The following MAP2K1 variants were observed in gnomAD, a reference collection of about 807,000 sequenced individuals.
The protein encoded by MAP2K1 is mitogen-activated protein kinase kinase 1.
A neutral mutation model predicts 46.3 loss-of-function variants in MAP2K1; 16 were observed. The observed-to-expected ratio is 0.35, with a 90% CI of 0.23 to 0.52. MAP2K1 has a LOEUF of 0.52. Among genes scored for constraint, MAP2K1 ranks in the 20% least tolerant of loss-of-function variants. The pLI is 0.94. For synonymous variants in MAP2K1, 183 were observed against 185.6 expected, an observed-to-expected ratio of 0.99 and a Z score of 0.11; for missense variants, 263 against 497.1, an observed-to-expected ratio of 0.53 and a Z score of 4.48.
chr15:66,416,355 C>A (rs888419506), intron 1 of MAP2K1, among the ~76,000 whole-genome samples: 3 of 151,894 alleles, frequency 2.0e-5, no homozygotes, highest in African/African-American at 4.8e-5. Flanking sequence ...TACAATCCCC[C>A]CCAAACACAC....
intron 5 of MAP2K1, among the ~76,000 whole-genome samples, chr15:66,455,638 G>A (rs1892147186): frequency 6.6e-6 from 1 of 152,058 alleles, no homozygotes; most frequent in Admixed American, 6.5e-5. Context: ...TCCTAGTTTG[G>A]TACATTGCCT....
At chr15:66,420,797 A>ATT in intron 1 of MAP2K1, among the ~76,000 whole-genome samples, 1 of 92,466 alleles carries the variant, frequency 1.1e-5, no homozygotes, top group Non-Finnish European at 2.4e-5. Context: ...ATGTGTGTAT[A>ATT]TATATGTGTA....
At chr15:66,455,861 C>T (rs1425342740) in intron 5 of MAP2K1, among the ~76,000 whole-genome samples, 4 of 152,196 alleles carry the variant, frequency 2.6e-5, no homozygotes, top group East Asian at 1.9e-4. Flanking sequence ...TGTTATTATA[C>T]AGAACATTGT....
At chr15:66,419,990 G>T (rs1022604611) in intron 1 of MAP2K1, among the ~76,000 whole-genome samples, 2 of 151,522 alleles carry the variant, frequency 1.3e-5, no homozygotes, top group Non-Finnish European at 2.9e-5. Context: ...CACACCTGTA[G>T]TCCCAGCACT....
intron 5 of MAP2K1, among the ~76,000 whole-genome samples, chr15:66,466,222 A>G (rs1301299977): frequency 1.3e-5 from 2 of 152,262 alleles, no homozygotes; most frequent in African/African-American, 2.4e-5. Flanking sequence ...AGTTTCTCCA[A>G]TTGTGTCCTG....
At chr15:66,420,376 G>T (rs550608997) in intron 1 of MAP2K1, among the ~76,000 whole-genome samples, 1 of 150,856 alleles carries the variant, frequency 6.6e-6, no homozygotes, top group East Asian at 1.9e-4. Context: ...AGACCAGCCT[G>T]GGCAACATGG....
At chr15:66,423,162 T>C (rs2093447842) in intron 1 of MAP2K1, among the ~76,000 whole-genome samples, 1 of 152,192 alleles carries the variant, frequency 6.6e-6, no homozygotes, top group Non-Finnish European at 1.5e-5. Context: ...CAGCTCCATG[T>C]AATCGGCTAA....
chr15:66,453,318 G>A, intron 5 of MAP2K1: 1 of 556,224 alleles, frequency 1.8e-6, no homozygotes, highest in Non-Finnish European at 3.2e-6. Context: ...GATGCTTTGT[G>A]AGCCAGATGG....
chr15:66,435,024 C>G lies in MAP2K1; in HGVS notation c.81-3C>G, dbSNP rs751859390. ...TTGACTTGTGCTCCCCACTTTGGAA[C>G]AGGACCAACTTGGAGGCCTTGCAGA... is the stretch of plus-strand genomic sequence containing the variant. On this transcript the variant is annotated splice_polypyrimidine_tract_variant and splice_region_variant and intron_variant, in intron 1 of 10. Transcript: ENST00000307102. The G allele has an allele frequency of 1.2e-6, 2 of 1,608,910 alleles. No homozygotes were observed. Among genetic ancestry groups the G allele is most frequent in the Non-Finnish European group, 1.7e-6 (2 of 1,175,450 alleles).
At chr15:66,422,499 C>CT (rs1180344609) in intron 1 of MAP2K1, among the ~76,000 whole-genome samples, 1 of 151,996 alleles carries the variant, frequency 6.6e-6, no homozygotes. Flanking sequence ...TATGATATTC[C>CT]TTTTTTACGG....
At chr15:66,415,081 C>T (rs566467319) in intron 1 of MAP2K1, 1 of 511,898 alleles carries the variant, frequency 2.0e-6, no homozygotes, top group African/African-American at 1.9e-5. Flanking sequence ...GTAATAACCT[C>T]TTCAAAATGC....
rs1027911811 is a variant in MAP2K1 at position 66,402,092 on chromosome 15, T to C, written c.80+14665T>C. The C allele has an allele frequency of 1.0e-5, 9 of 890,654 alleles. No homozygotes were observed. In the African/African-American group the frequency reaches 1.5e-4, roughly 15 times the overall value. 55.2% of individuals were successfully genotyped at this position (890,654 alleles called of 1,614,324 possible). A position where few individuals can be genotyped will look rare whatever the true frequency, so the allele number is the denominator to read the frequency against. On this transcript the variant is annotated intron_variant, in intron 1 of 10. Transcript: ENST00000307102. ...GAAGTTTTATAAATGATGTGGTTAC[T>C]ACATTGTTCCATTGTGTGTAATGTA...
At chr15:66,393,380 A>G (rs1052898781) in intron 1 of MAP2K1, among the ~76,000 whole-genome samples, 4 of 151,866 alleles carry the variant, frequency 2.6e-5, no homozygotes, top group African/African-American at 9.7e-5. Context: ...GTTTCATTAT[A>G]TTGCTCAGGC....
chr15:66,418,991 G>A lies in MAP2K1; in HGVS notation c.81-16036G>A, dbSNP rs1461394889. 1.1e-4 allele frequency among the ~76,000 whole-genome samples: 13 copies of A among 119,106 alleles called. No homozygotes were observed. In the Admixed American group the frequency reaches 1.3e-3, roughly 12 times the overall value. 78.1% of individuals were successfully genotyped at this position (119,106 alleles called of 152,430 possible). On this transcript the variant is annotated intron_variant, in intron 1 of 10. Coordinates refer to ENST00000307102, the MANE Select transcript of MAP2K1 (RefSeq NM_002755.4). ...TTCCTTTTTTCTTTTTTTTGAGACA[G>A]AGTTTCACTTTGTTGCCCAGGCTGG...
chr15:66,476,236 G>C (rs1185062052), intron 5 of MAP2K1, among the ~76,000 whole-genome samples: 1 of 152,172 alleles, frequency 6.6e-6, no homozygotes, highest in Non-Finnish European at 1.5e-5. Context: ...ATGTAGCCTG[G>C]CCAGCCAGCT....
rs1220927836 is a variant in MAP2K1 at position 66,387,337 on chromosome 15, C to G, written c.-11C>G. 1.9e-6 allele frequency: 3 copies of G among 1,555,964 alleles called. No homozygotes were observed. The highest frequency in any genetic ancestry group is 1.4e-5 in the African/African-American group (1 of 73,382). On this transcript the variant is annotated 5_prime_UTR_variant, in exon 1 of 11. Transcript: ENST00000307102. ...CCCCCCGGAGTTGGAAGCGCGTTAC[C>G]CGGGTCCAAAATGCCCAAGAAGAAG...
At chr15:66,464,768 T>C (rs1892420094) in intron 5 of MAP2K1, among the ~76,000 whole-genome samples, 2 of 151,720 alleles carry the variant, frequency 1.3e-5, no homozygotes, top group Admixed American at 1.3e-4. Context: ...CTCAGGTGAA[T>C]CCACCTGCCT....
At chr15:66,484,204 G>A (rs969590736) in intron 6 of MAP2K1, among the ~76,000 whole-genome samples, 17 of 151,338 alleles carry the variant, frequency 1.1e-4, no homozygotes, top group Non-Finnish European at 2.1e-4. Context: ...CTGGAGTGCA[G>A]TGGTGCGATC....
intron 1 of MAP2K1, among the ~76,000 whole-genome samples, chr15:66,394,331 G>A (rs1214810654): frequency 6.6e-6 from 1 of 152,100 alleles, no homozygotes; most frequent in Non-Finnish European, 1.5e-5. Flanking sequence ...GTTCTGCCAG[G>A]TTTGTAAGGA....
Sources: gnomAD v4.1 joint callset for allele counts (sites outside exome capture counted in the v4.1 genomes callset) on GRCh38, gnomAD v4.1.1 for gene constraint, MANE v1.5 for transcripts, NCBI Gene and HGNC (gene_info 2026-07-23, HGNC 2026-07-21) for gene names.